Variants in ZNF536 observed in about 807,000 individuals in gnomAD.
ZNF536 encodes the protein zinc finger protein 536.
ZNF536 carries 13 observed loss-of-function variants against 84.5 expected under a neutral mutation model. The observed-to-expected ratio is 0.15, with a 90% confidence interval of 0.10 to 0.24. The LOEUF is 0.24. Ranked by LOEUF, ZNF536 falls within the 10% of genes least tolerant of loss-of-function variation. ZNF536 has a pLI of 1.00. For synonymous variants in ZNF536, 811 were observed against 742.5 expected, an observed-to-expected ratio of 1.09 and a Z score of -1.50; for missense variants, 1,536 against 1,747.5, an observed-to-expected ratio of 0.88 and a Z score of 2.16.
At chr19:30,527,606 C>T (rs746995838) in intron 2 of ZNF536, among the ~76,000 whole-genome samples, 1 of 151,582 alleles carries the variant, frequency 6.6e-6, no homozygotes, top group Non-Finnish European at 1.5e-5. Flanking sequence ...ACCACAGAGA[C>T]ACCAAGTTGA....
rs569043172 is a variant in ZNF536 at position 30,289,411 on chromosome 19, T to C, written c.-120+5270T>C. Among the ~76,000 whole-genome samples, 3 of 152,360 alleles carry C rather than the reference T, an allele frequency of 2.0e-5. No homozygotes were observed. The South Asian group carries it at 6.2e-4, about 32-fold the overall frequency. ...CTCACCCTTGTAGTCATTGAACTTT[T>C]CTGTCCCTGACAAGATCACTGACCA... On this transcript the variant is annotated intron_variant, in intron 2 of 5. Transcript: ENST00000585628.
At chr19:30,642,351 T>C (rs2049297762) in intron 1 of ZNF536, among the ~76,000 whole-genome samples, 1 of 152,166 alleles carries the variant, frequency 6.6e-6, no homozygotes. Context: ...GAGGGTCTTG[T>C]TGCAGGAAAG....
At position 30,530,335 on chromosome 19, in the gene ZNF536, T is replaced by TTGTTGTTGTTGTTGC. The variant is rs1491109290; in HGVS notation, c.2171-4498_2171-4497insCTGTTGTTGTTGTTG. Reference sequence around the variant, plus strand: ...TAATACCTCTCTCTCTGTCTTTTTGTTGTTGTTGTTGTTGTTGTTGTTGTT... The same window carrying TTGTTGTTGTTGTTGC: ...TAATACCTCTCTCTCTGTCTTTTTGTTGTTGTTGTTGTTGCTGTTGTTGTTGTTGTTGTTGTTGTT... On this transcript the variant is annotated intron_variant, in intron 2 of 4. Coordinates refer to ENST00000355537, the MANE Select transcript of ZNF536 (RefSeq NM_014717.3). 3.1e-3 allele frequency among the ~76,000 whole-genome samples: 352 copies of TTGTTGTTGTTGTTGC among 112,346 alleles called. 1 individual carries two copies. Among genetic ancestry groups the TTGTTGTTGTTGTTGC allele is most frequent in the Non-Finnish European group, 5.3e-3 (289 of 54,862 alleles). The allele number at this position is 112,346 out of a possible 152,430, so 73.7% of individuals were successfully genotyped here. A position where few individuals can be genotyped will look rare whatever the true frequency, so the allele number is the denominator to read the frequency against.
intron 1 of ZNF536, among the ~76,000 whole-genome samples, chr19:30,596,977 C>G (rs2146872801): frequency 6.6e-6 from 1 of 152,266 alleles, no homozygotes; most frequent in Middle Eastern, 3.4e-3. Context: ...TTTTCTTTTG[C>G]AATGCTAATA....
chr19:30,368,627 T>C (rs1375955070), upstream of ZNF536, among the ~76,000 whole-genome samples: 1 of 152,210 alleles, frequency 6.6e-6, no homozygotes, highest in African/African-American at 2.4e-5. Context: ...TACATGAAAC[T>C]CAACACGTTG....
chr19:30,227,415 G>A (rs954846679), upstream of ZNF536, among the ~76,000 whole-genome samples: 1 of 152,236 alleles, frequency 6.6e-6, no homozygotes, highest in Non-Finnish European at 1.5e-5. Context: ...GCTGGGGGCC[G>A]AGAAAGAGCA....
intron 1 of ZNF536, among the ~76,000 whole-genome samples, chr19:30,386,655 GGCGTGA>G (rs1452191751): frequency 6.6e-6 from 1 of 152,230 alleles, no homozygotes; most frequent in African/African-American, 2.4e-5. Context: ...TGGGATTATA[GGCGTGA>G]GCCATGATGC....
At chr19:30,336,176 C>T (rs1022995969) in intron 2 of ZNF536, among the ~76,000 whole-genome samples, 3 of 152,178 alleles carry the variant, frequency 2.0e-5, no homozygotes, top group South Asian at 2.1e-4. Flanking sequence ...TAAGGCAGAA[C>T]CTGCTTGATC....
chr19:30,648,175 C>T (rs1366776066), intron 1 of ZNF536, among the ~76,000 whole-genome samples: 2 of 152,138 alleles, frequency 1.3e-5, no homozygotes, highest in Non-Finnish European at 2.9e-5. Context: ...AAGGTGCACA[C>T]CCACGGGCTT....
At chr19:30,547,441 AT>A (rs2045599740) in intron 3 of ZNF536, among the ~76,000 whole-genome samples, 1 of 152,220 alleles carries the variant, frequency 6.6e-6, no homozygotes, top group African/African-American at 2.4e-5. Flanking sequence ...TATATCCATG[AT>A]TTACTGCAGA....
At chr19:30,572,455 C>G (rs2046582923) in intron 1 of ZNF536, among the ~76,000 whole-genome samples, 1 of 152,170 alleles carries the variant, frequency 6.6e-6, no homozygotes, top group African/African-American at 2.4e-5. Flanking sequence ...TGTGACCCCT[C>G]TACCCTCCAC....
At chr19:30,466,321 C>T (rs946279799) in intron 2 of ZNF536, among the ~76,000 whole-genome samples, 1 of 151,570 alleles carries the variant, frequency 6.6e-6, no homozygotes, top group South Asian at 2.1e-4. Flanking sequence ...GCAGGAGGAT[C>T]ACTTGATCCC....
intron 2 of ZNF536, among the ~76,000 whole-genome samples, chr19:30,495,224 T>C (rs1316545917): frequency 6.6e-6 from 1 of 152,122 alleles, no homozygotes; most frequent in Non-Finnish European, 1.5e-5. Flanking sequence ...TGCAGTGAGA[T>C]GTTGGCTATA....
chr19:30,687,485 A>T (rs899929445), intron 1 of ZNF536, among the ~76,000 whole-genome samples: 1 of 152,176 alleles, frequency 6.6e-6, no homozygotes, highest in Non-Finnish European at 1.5e-5. Context: ...TATTTACTTA[A>T]ATATGGTCCG....
chr19:30,694,495 G>A (rs377575621), intron 1 of ZNF536, among the ~76,000 whole-genome samples: 51 of 152,304 alleles, frequency 3.3e-4, no homozygotes, highest in East Asian at 1.7e-3. Flanking sequence ...GCCCACAGGC[G>A]CCTGGCTGGT....
intron 1 of ZNF536, among the ~76,000 whole-genome samples, chr19:30,628,669 T>A (rs560108762): frequency 6.6e-6 from 1 of 152,004 alleles, no homozygotes; most frequent in Non-Finnish European, 1.5e-5. Context: ...GACCTCGTGA[T>A]CCACCCACCT....
At chr19:30,699,567 G>A (rs55798007) in intron 1 of ZNF536, among the ~76,000 whole-genome samples, 7,227 of 152,046 alleles carry the variant, frequency 0.048, 224 homozygotes, top group East Asian at 0.13. Context: ...CATAAATTAC[G>A]TACCTGATTG....
At chr19:30,551,902 C>A (rs1354283171) in intron 4 of ZNF536, among the ~76,000 whole-genome samples, 1 of 152,164 alleles carries the variant, frequency 6.6e-6, no homozygotes, top group East Asian at 1.9e-4. Context: ...CCACTCCCCC[C>A]ATATCTGGCC....
At chr19:30,538,924 A>G (rs1018440160) in intron 3 of ZNF536, among the ~76,000 whole-genome samples, 7 of 152,046 alleles carry the variant, frequency 4.6e-5, no homozygotes, top group Non-Finnish European at 1.5e-5. Flanking sequence ...AAATGTATAT[A>G]TGGCCAGGCA....
Sources: allele counts gnomAD v4.1 joint callset (sites outside exome capture counted in the v4.1 genomes callset), GRCh38; gene constraint gnomAD v4.1.1; transcripts MANE v1.5; gene names NCBI Gene and HGNC (gene_info 2026-07-23, HGNC 2026-07-21).